PTPRD: variants seen among roughly 807,000 people sequenced by gnomAD.
PTPRD encodes the protein protein tyrosine phosphatase receptor type D, also known as receptor-type tyrosine-protein phosphatase delta.
PTPRD carries 34 observed loss-of-function variants against 214.5 expected under a neutral mutation model. The ratio of observed to expected loss-of-function variants is 0.16; its 90% confidence interval spans 0.12 to 0.21. The LOEUF is 0.21. Among genes scored for constraint, PTPRD ranks in the 10% least tolerant of loss-of-function variants. The pLI is 1.00. For missense variants in PTPRD, 2,545 were observed against 2,398.7 expected (o/e 1.06, Z -1.27); for synonymous variants, 1,128 against 845.7 (o/e 1.33, Z -5.79).
At chr9:10,376,814 T>C (rs2097737546) in intron 2 of PTPRD, among the ~76,000 whole-genome samples, 1 of 151,960 alleles carries the variant, frequency 6.6e-6, no homozygotes. Context: ...GTACATGAGA[T>C]GTTTTGATAC....
In PTPRD at chr9:9,773,706, ACCTGGT is replaced by A. The variant is rs577268515; in HGVS notation, c.-367-6861_-367-6856del. Among the ~76,000 whole-genome samples the A allele has an allele frequency of 7.6e-4, 116 of 152,316 alleles. 2 individuals carry two copies. The South Asian group carries it at 0.022, about 28-fold the overall frequency. On this transcript the variant is annotated intron_variant, in intron 5 of 45. Transcript: ENST00000381196. ...AAATAAAGAAAGCATTGTAAAAGGC[ACCTGGT>A]CATGAATGCCAATTTATGCTGCTGA...
At chr9:10,264,988 A>T (rs1477446963) in intron 3 of PTPRD, among the ~76,000 whole-genome samples, 1 of 152,112 alleles carries the variant, frequency 6.6e-6, no homozygotes, top group African/African-American at 2.4e-5. Context: ...CTCTTGCCTG[A>T]CACCATGTTT....
chr9:9,078,240 T>A (rs1008324324), intron 10 of PTPRD, among the ~76,000 whole-genome samples: 2 of 152,122 alleles, frequency 1.3e-5, no homozygotes, highest in African/African-American at 4.8e-5. Context: ...TCATAAAAGT[T>A]TTATTGAATT....
chr9:9,443,728 C>T (rs1282216934), intron 8 of PTPRD, among the ~76,000 whole-genome samples: 1 of 152,104 alleles, frequency 6.6e-6, no homozygotes, highest in Admixed American at 6.5e-5. Context: ...ATCTTCTAGT[C>T]CACTCCAGTT....
At chr9:8,713,822 G>T (rs1199784369) in intron 12 of PTPRD, 1 of 1,521,608 alleles carries the variant, frequency 6.6e-7, no homozygotes, top group Non-Finnish European at 8.9e-7. Context: ...ACCACCAAGA[G>T]GCCCAACACC....
Position 8,898,988 on chromosome 9 carries a change from A to C in PTPRD, c.-104+119709T>G, listed in dbSNP as rs114535441. 1.5e-3 allele frequency among the ~76,000 whole-genome samples: 233 copies of C among 152,320 alleles called. 1 individual carries two copies. The highest frequency in any genetic ancestry group is 5.3e-3 in the African/African-American group (220 of 41,578). On this transcript the variant is annotated intron_variant, in intron 11 of 45. Coordinates refer to ENST00000381196, the MANE Select transcript of PTPRD (RefSeq NM_002839.4). ...GGAACATAAGTGGAGTATTTTAATA[A>C]AAGTGACTTCATGAAAATTTGTCAT...
intron 14 of PTPRD, among the ~76,000 whole-genome samples, chr9:8,554,445 A>G (rs1564299083): frequency 6.6e-6 from 1 of 152,326 alleles, no homozygotes; most frequent in Middle Eastern, 3.4e-3. Context: ...TGAGCTATAA[A>G]TAAATATCCT....
chr9:10,140,868 G>A (rs1361058043), intron 3 of PTPRD, among the ~76,000 whole-genome samples: 6 of 151,518 alleles, frequency 4.0e-5, no homozygotes, highest in Non-Finnish European at 5.9e-5. Context: ...CTGGCAAACC[G>A]AATCCAGCAG....
intron 7 of PTPRD, among the ~76,000 whole-genome samples, chr9:9,658,466 T>C (rs1193988143): frequency 6.6e-6 from 1 of 152,170 alleles, no homozygotes; most frequent in Non-Finnish European, 1.5e-5. Context: ...CTTTACTGTT[T>C]TTCCGAACAT....
At chr9:10,050,559 CAAAAAAAA>C (rs1164243746) in intron 3 of PTPRD, among the ~76,000 whole-genome samples, 22 of 13,994 alleles carry the variant, frequency 1.6e-3, no homozygotes, top group East Asian at 2.7e-3. Flanking sequence ...GAGTCTGTCT[CAAAAAAAA>C]AAAAAAAAAA....
intron 6 of PTPRD, among the ~76,000 whole-genome samples, chr9:9,741,929 T>C (rs1022301717): frequency 1.3e-5 from 2 of 152,178 alleles, no homozygotes; most frequent in Non-Finnish European, 2.9e-5. Context: ...TGAGCATGTG[T>C]CTTTATAGTA....
chr9:8,391,117 A>G (rs1407833850), intron 36 of PTPRD, among the ~76,000 whole-genome samples: 1 of 151,952 alleles, frequency 6.6e-6, no homozygotes, highest in Non-Finnish European at 1.5e-5. Context: ...GGAAATATGA[A>G]TCTTGGAATT....
chr9:8,372,274 T>A lies in PTPRD; in HGVS notation c.4661+3662A>T, dbSNP rs192950005. On this transcript the variant is annotated intron_variant, in intron 39 of 45. Coordinates refer to ENST00000381196, the MANE Select transcript of PTPRD (RefSeq NM_002839.4). ...AGATGATATCCAAATTCATGTTGAA[T>A]TTTTCTTCTCAGAGTTCTAAATATA... Among the ~76,000 whole-genome samples the A allele has an allele frequency of 8.5e-5, 13 of 152,124 alleles. No individual in the cohort carries two copies. In the East Asian group the frequency reaches 2.5e-3, roughly 29 times the overall value.
At chr9:10,105,851 G>A (rs1231837093) in intron 3 of PTPRD, among the ~76,000 whole-genome samples, 1 of 151,418 alleles carries the variant, frequency 6.6e-6, no homozygotes, top group Non-Finnish European at 1.5e-5. Flanking sequence ...ATAGGGAAAG[G>A]TAGCCAAGGG....
intron 12 of PTPRD, among the ~76,000 whole-genome samples, chr9:8,659,751 AAAG>A (rs970194520): frequency 9.8e-5 from 15 of 152,332 alleles, no homozygotes; most frequent in Admixed American, 8.5e-4. Context: ...GTTTGAGAAT[AAAG>A]AAGGATTCCA....
intron 11 of PTPRD, among the ~76,000 whole-genome samples, chr9:9,008,372 C>A (rs1018814569): frequency 4.6e-5 from 7 of 151,758 alleles, no homozygotes; most frequent in Admixed American, 3.3e-4. Flanking sequence ...GGACTACAGG[C>A]TCCCGCCACC....
chr9:8,625,959 A>G (rs1402187400), intron 14 of PTPRD, among the ~76,000 whole-genome samples: 1 of 151,714 alleles, frequency 6.6e-6, no homozygotes, highest in Non-Finnish European at 1.5e-5. Flanking sequence ...TGTGGCATTA[A>G]TTCACAAGTC....
chr9:9,436,301 T>G (rs1464988359), intron 8 of PTPRD, among the ~76,000 whole-genome samples: 5 of 152,160 alleles, frequency 3.3e-5, no homozygotes, highest in Non-Finnish European at 7.3e-5. Context: ...TCGGTTTCAC[T>G]CCTTCTAGTT....
intron 14 of PTPRD, among the ~76,000 whole-genome samples, chr9:8,562,847 CTTTT>C (rs200639197): frequency 8.1e-6 from 1 of 122,986 alleles, no homozygotes; most frequent in Non-Finnish European, 1.8e-5. Flanking sequence ...CAAAGATTTT[CTTTT>C]TTTTTTTTTT....
Sources: gnomAD v4.1 joint callset for allele counts (sites outside exome capture counted in the v4.1 genomes callset) on GRCh38, gnomAD v4.1.1 for gene constraint, MANE v1.5 for transcripts, NCBI Gene and HGNC (gene_info 2026-07-23, HGNC 2026-07-21) for gene names.